ZNF821: variants seen among roughly 807,000 people sequenced by gnomAD.
ZNF821 encodes the protein zinc finger protein 821.
In ZNF821, 16 loss-of-function variants were observed where a neutral mutation model predicts 44.3. That is an observed-to-expected ratio of 0.36 (90% CI 0.24 to 0.55). The LOEUF (loss-of-function observed/expected upper bound fraction) is 0.55, where lower values mean the gene tolerates loss of function less well. Ranked by LOEUF, ZNF821 falls within the 20% of genes least tolerant of loss-of-function variation. ZNF821 has a pLI of 0.86. For synonymous variants in ZNF821, 204 were observed against 197.6 expected (o/e 1.03, Z -0.27); for missense variants, 436 against 547.6 (o/e 0.80, Z 2.03).
chr16:71,877,658 C>G (rs1023168304), intron 3 of ZNF821, among the ~76,000 whole-genome samples: 22 of 151,938 alleles, frequency 1.4e-4, no homozygotes, highest in African/African-American at 5.3e-4. Context: ...GTGGCTCATG[C>G]CTATAATCCC....
intron 3 of ZNF821, among the ~76,000 whole-genome samples, chr16:71,879,667 C>A (rs1295021743): frequency 6.6e-6 from 1 of 152,130 alleles, no homozygotes; most frequent in African/African-American, 2.4e-5. Context: ...AGTGTACATA[C>A]CCCTAAGATA....
rs116868460 is a variant in ZNF821, at chr16:71,879,531, A to G, written c.40+376T>C. Among the ~76,000 whole-genome samples the G allele has an allele frequency of 7.9e-4, 120 of 152,166 alleles. 2 individuals carry two copies. In the East Asian group the frequency reaches 0.019, roughly 25 times the overall value. ...AGCATATACTATCATTCATATTTAT[A>G]TATCTGAGGTTACAATACGGTCTTA... is the stretch of plus-strand genomic sequence containing the variant. On this transcript the variant is annotated intron_variant, in intron 3 of 7. Coordinates refer to ENST00000425432, the MANE Select transcript of ZNF821 (RefSeq NM_001201552.2).
At chr16:71,869,824 A>G (rs913076777) in intron 3 of ZNF821, among the ~76,000 whole-genome samples, 1 of 152,014 alleles carries the variant, frequency 6.6e-6, no homozygotes, top group African/African-American at 2.4e-5. Flanking sequence ...TTTTGTATAG[A>G]CAGGGTCTCA....
rs202046154 is a variant in ZNF821 at position 71,864,909 on chromosome 16, C to G, written c.306G>C (p.Glu102Asp). 6 of 1,614,158 alleles carry G rather than the reference C, an allele frequency of 3.7e-6. No individual in the cohort carries two copies. The highest frequency in any genetic ancestry group is 5.1e-6 in the Non-Finnish European group (6 of 1,180,014). ...EQPVGGNEVV[E>D]HEVTGNLNSD... ...AGGGGCCATCGTCACTTGCCTCGTG[C>G]TCTACCACTTCGTTCCCACCAACAG... is the stretch of plus-strand genomic sequence containing the variant. Residue 102 changes from glutamate to aspartate, a missense_variant, in exon 5 of 8, where the codon GAG becomes GAC. Coordinates refer to ENST00000425432, the MANE Select transcript of ZNF821 (RefSeq NM_001201552.2).
At chr16:71,895,193 G>A in exon 1 of ZNF821, 1 of 205,184 alleles carries the variant, frequency 4.9e-6, no homozygotes, top group Non-Finnish European at 1.0e-5. Flanking sequence ...GGAAGAATCC[G>A]GAACCAAGGC....
intron 3 of ZNF821, among the ~76,000 whole-genome samples, chr16:71,874,354 C>CGTAA (rs2035575195): frequency 6.6e-6 from 1 of 152,188 alleles, no homozygotes; most frequent in African/African-American, 2.4e-5. Context: ...GAAGCTCAGC[C>CGTAA]GTTACTCTGC....
chr16:71,880,012 C>T lies in ZNF821; in HGVS notation c.-66G>A, dbSNP rs1025180279. The T allele has an allele frequency of 6.7e-7, 1 of 1,487,990 alleles. No homozygotes were observed. The highest frequency in any genetic ancestry group is 2.3e-5 in the East Asian group (1 of 43,462). The allele number at this position is 1,487,990 out of a possible 1,614,324, so 92.2% of individuals were successfully genotyped here. A position where few individuals can be genotyped will look rare whatever the true frequency, so the allele number is the denominator to read the frequency against. On this transcript the variant is annotated 5_prime_UTR_variant, in exon 3 of 8. Coordinates refer to ENST00000425432, the MANE Select transcript of ZNF821 (RefSeq NM_001201552.2). Reference sequence around the variant, plus strand: ...GACTGGATATGTTACTACCTCCTTGCAAGATGCTAACCTGCAATAAAAAAG... The same window carrying T: ...GACTGGATATGTTACTACCTCCTTGTAAGATGCTAACCTGCAATAAAAAAG...
At chr16:71,888,322 T>C (rs562983455), upstream of ZNF821, among the ~76,000 whole-genome samples, 35 of 152,350 alleles carry the variant, frequency 2.3e-4, 1 homozygote, top group East Asian at 4.6e-3. Flanking sequence ...TGCTTGTGGT[T>C]TGGATGCCAT....
At chr16:71,883,362 T>C in intron 1 of ZNF821, 89 bp from the exon 2 acceptor site, 1 of 369,622 alleles carries the variant, frequency 2.7e-6, no homozygotes, top group Non-Finnish European at 5.3e-6. Context: ...GCGTGTCTAA[T>C]CAGCCGAGAT....
rs1160312335 is a variant in ZNF821 at position 71,861,886 on chromosome 16, G to A, written c.474C>T (p.Ala158=). Residue 158 remains alanine, a synonymous_variant, in exon 7 of 8, where the codon GCC becomes GCT. Transcript: ENST00000425432. ...GACCCAATGACCCCGGGGAGCTAAG[G>A]GCCCGGCCACAGACAGGACACATGT... The part of the protein sequence containing the change: ...KSYMCPVCGR[A]LSSPGSLGRH... 1 of 1,614,136 alleles carries A rather than the reference G, an allele frequency of 6.2e-7. No homozygotes were observed. The highest frequency in any genetic ancestry group is 1.7e-5 in the Admixed American group (1 of 60,020).
At chr16:71,871,549 C>G (rs1198134293) in intron 3 of ZNF821, among the ~76,000 whole-genome samples, 1 of 152,140 alleles carries the variant, frequency 6.6e-6, no homozygotes, top group Non-Finnish European at 1.5e-5. Flanking sequence ...CTAATGTGAT[C>G]TATGGAGATA....
At chr16:71,876,352 C>T (rs1323767444) in intron 3 of ZNF821, among the ~76,000 whole-genome samples, 3 of 151,988 alleles carry the variant, frequency 2.0e-5, no homozygotes, top group Non-Finnish European at 4.4e-5. Flanking sequence ...TACAGGCACC[C>T]GCCACTGCAC....
At chr16:71,879,702 CCAGA>C (rs2036222964) in intron 3 of ZNF821, among the ~76,000 whole-genome samples, 2 of 152,166 alleles carry the variant, frequency 1.3e-5, no homozygotes, top group African/African-American at 2.4e-5. Flanking sequence ...CCCCCAGCAA[CCAGA>C]CACACTTTAA....
chr16:71,886,486 C>T (rs1428743431), upstream of ZNF821, among the ~76,000 whole-genome samples: 1 of 152,038 alleles, frequency 6.6e-6, no homozygotes, highest in African/African-American at 2.4e-5. Flanking sequence ...TTCTACTTTC[C>T]CAATCTACTC....
intron 1 of ZNF821, among the ~76,000 whole-genome samples, chr16:71,893,047 T>TTTTTTTTTTTA (rs71153679): frequency 7.3e-6 from 1 of 136,070 alleles, no homozygotes; most frequent in Admixed American, 7.5e-5. Context: ...TTTTTTTTTT[T>TTTTTTTTTTTA]GAGATATAGT....
At chr16:71,863,458 A>G (rs886229007) in intron 6 of ZNF821, among the ~76,000 whole-genome samples, 43 of 133,320 alleles carry the variant, frequency 3.2e-4, no homozygotes, top group African/African-American at 1.1e-3. Flanking sequence ...CTGAAGCATG[A>G]TCACTGCAGC....
chr16:71,880,634 T>G (rs1367377776), intron 2 of ZNF821, among the ~76,000 whole-genome samples: 1 of 152,198 alleles, frequency 6.6e-6, no homozygotes, highest in Non-Finnish European at 1.5e-5. Flanking sequence ...GACATGGCAC[T>G]AAGCAAATCA....
In ZNF821 at chr16:71,864,885, G is replaced by C; in HGVS notation, c.312+18C>G. 6.2e-7 allele frequency: 1 copy of C among 1,613,872 alleles called. No homozygotes were observed. Among genetic ancestry groups the C allele is most frequent in the South Asian group, 1.1e-5 (1 of 91,068 alleles). On this transcript the variant is annotated intron_variant, in intron 5 of 7. Coordinates refer to ENST00000425432, the MANE Select transcript of ZNF821 (RefSeq NM_001201552.2). ...TAGGGCATTGCTGGACCTGGACCCAGGGGCCATCGTCACTTGCCTCGTGCT... is the reference window on the plus strand; with the variant it reads ...TAGGGCATTGCTGGACCTGGACCCACGGGCCATCGTCACTTGCCTCGTGCT...
upstream of ZNF821, among the ~76,000 whole-genome samples, chr16:71,884,361 G>C (rs1597217252): frequency 6.6e-6 from 1 of 152,022 alleles, no homozygotes; most frequent in African/African-American, 2.4e-5. Flanking sequence ...GGGCTCGCCC[G>C]CGTTCCAGGG....
Sources: gnomAD v4.1 joint callset for allele counts (sites outside exome capture counted in the v4.1 genomes callset) on GRCh38, gnomAD v4.1.1 for gene constraint, MANE v1.5 for transcripts, NCBI Gene and HGNC (gene_info 2026-07-23, HGNC 2026-07-21) for gene names.